The following NWD2 variants were observed in gnomAD, a reference collection of about 807,000 sequenced individuals.
NWD2 encodes the protein NACHT and WD repeat domain-containing protein 2.
In NWD2, 37 loss-of-function variants were observed where a neutral mutation model predicts 132.7. The ratio of observed to expected loss-of-function variants is 0.28; its 90% CI spans 0.21 to 0.37. The LOEUF (loss-of-function observed/expected upper bound fraction) is 0.37, where lower values mean the gene tolerates loss of function less well. Ranked by LOEUF, NWD2 falls within the 10% of genes least tolerant of loss-of-function variation. NWD2 has a pLI of 1.00. For synonymous variants in NWD2, 705 were observed against 803.0 expected (o/e 0.88, Z 2.06); for missense variants, 1,592 against 2,122.4 (o/e 0.75, Z 4.91).
At chr4:37,282,353 C>T (rs770664788) in intron 1 of NWD2, among the ~76,000 whole-genome samples, 1 of 152,002 alleles carries the variant, frequency 6.6e-6, no homozygotes, top group South Asian at 2.1e-4. Context: ...GTTTTTTTCC[C>T]CTGAGCCTGC....
intron 3 of NWD2, among the ~76,000 whole-genome samples, chr4:37,370,114 T>G (rs1389723694): frequency 2.0e-5 from 3 of 152,258 alleles, no homozygotes; most frequent in Non-Finnish European, 2.9e-5. Context: ...TCTGCAGATC[T>G]GAACCAAATA....
chr4:37,412,552 C>T (rs1053560639), intron 3 of NWD2, among the ~76,000 whole-genome samples: 15 of 152,142 alleles, frequency 9.9e-5, no homozygotes, highest in African/African-American at 3.6e-4. Flanking sequence ...AATGGCCATA[C>T]TACCCAAAGT....
intron 2 of NWD2, among the ~76,000 whole-genome samples, chr4:37,338,629 A>C (rs1719459314): frequency 6.6e-6 from 1 of 152,174 alleles, no homozygotes; most frequent in Admixed American, 6.5e-5. Flanking sequence ...AACACATCAA[A>C]ATTGTATGTT....
chr4:37,332,604 A>G (rs1200169500), intron 2 of NWD2, among the ~76,000 whole-genome samples: 4 of 152,228 alleles, frequency 2.6e-5, no homozygotes, highest in African/African-American at 9.6e-5. Flanking sequence ...ATTACTCGCC[A>G]TGGGCCTTGG....
intron 1 of NWD2, among the ~76,000 whole-genome samples, chr4:37,312,561 C>T (rs1371266853): frequency 6.6e-6 from 1 of 150,978 alleles, no homozygotes; most frequent in East Asian, 1.9e-4. Flanking sequence ...GATATACAAT[C>T]ATGTCATCTG....
intron 1 of NWD2, among the ~76,000 whole-genome samples, chr4:37,268,258 G>A (rs1717798276): frequency 6.6e-6 from 1 of 151,826 alleles, no homozygotes; most frequent in Non-Finnish European, 1.5e-5. Flanking sequence ...CTCTCTCCTG[G>A]AGAGTTATTC....
chr4:37,271,936 G>GT (rs1268842476), intron 1 of NWD2, among the ~76,000 whole-genome samples: 6 of 151,658 alleles, frequency 4.0e-5, no homozygotes, highest in Non-Finnish European at 4.4e-5. Flanking sequence ...TTAACTGTAG[G>GT]TTTTTTGTAG....
chr4:37,370,620 C>T (rs1258624484), intron 3 of NWD2, among the ~76,000 whole-genome samples: 1 of 152,120 alleles, frequency 6.6e-6, no homozygotes, highest in Non-Finnish European at 1.5e-5. Context: ...CCCTGATTAA[C>T]CAACAGCAGG....
At chr4:37,363,351 T>C (rs56357096) in intron 3 of NWD2, among the ~76,000 whole-genome samples, 68,126 of 152,054 alleles carry the variant, frequency 0.45, 16,882 homozygotes, top group Middle Eastern at 0.63. Context: ...ACACATGTAC[T>C]CACATGTTCA....
rs559294964 is a variant in NWD2 at position 37,357,665 on chromosome 4, C to T, written c.357+1183C>T. Among the ~76,000 whole-genome samples the T allele has an allele frequency of 8.5e-5, 13 of 152,090 alleles. 1 individual carries two copies. The South Asian group carries it at 1.5e-3, about 17-fold the overall frequency. ...AAGAAGATAAAATTTTTTGCTTTCCCGGAGCTTACATTCTAATGTGGGTGG... is the reference window on the plus strand; with the variant it reads ...AAGAAGATAAAATTTTTTGCTTTCCTGGAGCTTACATTCTAATGTGGGTGG... On this transcript the variant is annotated intron_variant, in intron 3 of 6. Coordinates refer to ENST00000309447, the MANE Select transcript of NWD2 (RefSeq NM_001144990.2).
intron 2 of NWD2, among the ~76,000 whole-genome samples, chr4:37,353,568 G>C (rs1331486475): frequency 2.0e-5 from 3 of 151,422 alleles, no homozygotes; most frequent in Non-Finnish European, 4.4e-5. Context: ...CTCTAATCTT[G>C]TCTTCATGCT....
At chr4:37,440,594 G>A (rs1456338884) in intron 6 of NWD2, among the ~76,000 whole-genome samples, 1 of 152,170 alleles carries the variant, frequency 6.6e-6, no homozygotes, top group Admixed American at 6.5e-5. Context: ...TCCTTCTAGG[G>A]AGGGGGAGGT....
intron 2 of NWD2, among the ~76,000 whole-genome samples, chr4:37,333,106 C>T (rs888769142): frequency 5.3e-5 from 8 of 152,146 alleles, no homozygotes; most frequent in African/African-American, 1.9e-4. Flanking sequence ...CTGAGGTTTC[C>T]AACTCCAGGC....
At chr4:37,299,247 C>T (rs945563008) in intron 1 of NWD2, among the ~76,000 whole-genome samples, 7 of 152,120 alleles carry the variant, frequency 4.6e-5, no homozygotes, top group African/African-American at 1.7e-4. Context: ...TGTAGCATGG[C>T]ATCACCCTGC....
At chr4:37,317,169 A>C (rs997650913) in intron 1 of NWD2, among the ~76,000 whole-genome samples, 1 of 152,190 alleles carries the variant, frequency 6.6e-6, no homozygotes. Context: ...TTCAAAGTTT[A>C]GGCAGTATTT....
chr4:37,256,409 T>C (rs968349464), intron 1 of NWD2, among the ~76,000 whole-genome samples: 1 of 152,216 alleles, frequency 6.6e-6, no homozygotes, highest in Non-Finnish European at 1.5e-5. Flanking sequence ...GAGAAGAATG[T>C]GTTGAAACTG....
rs142976204 is a variant in NWD2 at position 37,318,399 on chromosome 4, G to A, written c.152-7537G>A. ...TTCCATGAATTCATAGTCTACAGTG[G>A]ATACAAACAAGGTATACAAAAAAGG... is the stretch of plus-strand genomic sequence containing the variant. On this transcript the variant is annotated intron_variant, in intron 1 of 6. Transcript: ENST00000309447. Among the ~76,000 whole-genome samples, 9 of 152,126 alleles carry A rather than the reference G, an allele frequency of 5.9e-5. No homozygotes were observed. In the East Asian group the frequency reaches 1.7e-3, roughly 29 times the overall value.
intron 1 of NWD2, among the ~76,000 whole-genome samples, chr4:37,289,794 T>A (rs1718321450): frequency 6.6e-6 from 1 of 152,136 alleles, no homozygotes; most frequent in African/African-American, 2.4e-5. Context: ...TCATATCCCC[T>A]CCTAGTGAGT....
chr4:37,329,788 A>G (rs983516301), intron 2 of NWD2, among the ~76,000 whole-genome samples: 1 of 151,978 alleles, frequency 6.6e-6, no homozygotes, highest in African/African-American at 2.4e-5. Flanking sequence ...AGGTTTGCTC[A>G]GGTTCTATGA....
Sources: allele counts gnomAD v4.1 joint callset (sites outside exome capture counted in the v4.1 genomes callset), GRCh38; gene constraint gnomAD v4.1.1; transcripts MANE v1.5; gene names NCBI Gene and HGNC (gene_info 2026-07-23, HGNC 2026-07-21).